Variants in GC observed in about 807,000 individuals in gnomAD.
GC encodes the protein GC vitamin D binding protein.
Under a neutral mutation model 56.7 loss-of-function variants are expected in GC, and 43 were observed. The ratio of observed to expected loss-of-function variants is 0.76; its 90% CI spans 0.59 to 0.98. The LOEUF (loss-of-function observed/expected upper bound fraction) is 0.98. GC is among the 50% of genes least tolerant of loss of function. The pLI, the probability that GC is intolerant of heterozygous loss-of-function variation, is 0.00. For missense variants in GC, 529 were observed against 545.9 expected (o/e 0.97, Z 0.31); for synonymous variants, 216 against 202.7 (o/e 1.07, Z -0.56).
intron 6 of GC, among the ~76,000 whole-genome samples, chr4:71,760,076 T>C (rs1741915459): frequency 1.4e-5 from 2 of 147,924 alleles, no homozygotes; most frequent in African/African-American, 5.0e-5. Flanking sequence ...GGAGTCTCGC[T>C]CTGTCGCCCC....
intron 1 of GC, among the ~76,000 whole-genome samples, chr4:71,771,407 G>A (rs1742337442): frequency 6.6e-6 from 1 of 152,006 alleles, no homozygotes. Flanking sequence ...ATTGCCTGTA[G>A]AGGAAGCAGT....
chr4:71,759,014 G>A (rs1460974199), intron 6 of GC, among the ~76,000 whole-genome samples: 2 of 151,972 alleles, frequency 1.3e-5, no homozygotes, highest in African/African-American at 4.8e-5. Flanking sequence ...TAAATACTTC[G>A]TATGAGTTGG....
intron 12 of GC, among the ~76,000 whole-genome samples, chr4:71,742,976 T>C (rs1741234886): frequency 6.6e-6 from 1 of 151,884 alleles, no homozygotes. Context: ...TCCGTCTTGG[T>C]GTGGGCAGGG....
chr4:71,787,266 A>G (rs372512960), upstream of GC, among the ~76,000 whole-genome samples: 205 of 151,974 alleles, frequency 1.3e-3, 1 homozygote, highest in African/African-American at 4.6e-3. Context: ...AATTAATCCT[A>G]CTTACCTCTA....
At chr4:71,765,296 G>C in intron 4 of GC, 136 bp downstream of exon 4, 1 of 697,606 alleles carries the variant, frequency 1.4e-6, no homozygotes, top group Non-Finnish European at 2.5e-6. Flanking sequence ...AAGATGGGCT[G>C]TCTCAGATGA....
chr4:71,784,063 G>A lies in GC; in HGVS notation c.-45C>T. Reference sequence around the variant, plus strand: ...GCAGCACCTCCTCTCTCCTGTAGGTGACCATGTAAAAGTGGTAGCCAAAAG... The same window carrying A: ...GCAGCACCTCCTCTCTCCTGTAGGTAACCATGTAAAAGTGGTAGCCAAAAG... On this transcript the variant is annotated 5_prime_UTR_variant, in exon 1 of 13. Coordinates refer to ENST00000273951, the MANE Select transcript of GC (RefSeq NM_000583.4). 6.3e-7 allele frequency: 1 copy of A among 1,575,254 alleles called. No homozygotes were observed. Among genetic ancestry groups the A allele is most frequent in the East Asian group, 2.3e-5 (1 of 43,776 alleles).
chr4:71,790,407 G>A (rs537519408), intron 1 of GC, among the ~76,000 whole-genome samples: 1 of 151,902 alleles, frequency 6.6e-6, no homozygotes, highest in African/African-American at 2.4e-5. Context: ...TGAATCTCTT[G>A]AAAAGAACCA....
rs149288074 is a variant in GC, at chr4:71,779,902, C to T, written c.58+4059G>A. Among the ~76,000 whole-genome samples, 6 of 151,852 alleles carry T rather than the reference C, an allele frequency of 4.0e-5. 1 individual carries two copies. The highest frequency in any genetic ancestry group is 1.4e-4 in the African/African-American group (6 of 41,474). On this transcript the variant is annotated intron_variant, in intron 1 of 12. Transcript: ENST00000273951. ...AGGAAAAGTGTAGCTCACCCACCAA[C>T]CCAAAGGGAACTTTCTTCTTGCAGT...
At chr4:71,759,441 C>T (rs1741893590) in intron 6 of GC, 2 of 152,322 alleles carry the variant, frequency 1.3e-5, no homozygotes, top group East Asian at 1.9e-4. Context: ...ACTTTGCTAA[C>T]ATTTGCCAAT....
chr4:71,750,066 A>C (rs1038189791), intron 11 of GC, among the ~76,000 whole-genome samples: 1 of 152,182 alleles, frequency 6.6e-6, no homozygotes, highest in African/African-American at 2.4e-5. Context: ...AAAACAAATA[A>C]AACTTTACTA....
At chr4:71,789,107 A>T (rs1216506763) in intron 1 of GC, among the ~76,000 whole-genome samples, 1 of 151,870 alleles carries the variant, frequency 6.6e-6, no homozygotes, top group Non-Finnish European at 1.5e-5. Flanking sequence ...CATTATGTAT[A>T]GAGAGAAAGA....
intron 5 of GC, 64 bp from the exon 6 acceptor site, chr4:71,763,566 A>G (rs1319133966): frequency 3.2e-6 from 3 of 930,022 alleles, no homozygotes; most frequent in Non-Finnish European, 5.1e-6. Context: ...TATAAATGGC[A>G]AAAATAGGGA....
intron 6 of GC, among the ~76,000 whole-genome samples, chr4:71,761,636 G>A (rs998914700): frequency 3.3e-5 from 5 of 152,130 alleles, no homozygotes; most frequent in African/African-American, 4.8e-5. Flanking sequence ...AGGAAAAAGT[G>A]GTTTCTTGGA....
At chr4:71,746,859 A>T (rs1376439035) in intron 11 of GC, among the ~76,000 whole-genome samples, 1 of 151,698 alleles carries the variant, frequency 6.6e-6, no homozygotes, top group African/African-American at 2.4e-5. Flanking sequence ...TGTGTTTTAA[A>T]AAGGTTGATT....
At chr4:71,771,073 T>A (rs1446120180) in intron 1 of GC, among the ~76,000 whole-genome samples, 1 of 152,116 alleles carries the variant, frequency 6.6e-6, no homozygotes, top group African/African-American at 2.4e-5. Context: ...TGGAAAAAAA[T>A]GTAGGAAGTA....
At chr4:71,786,132 C>T (rs760689030), upstream of GC, 13 of 151,978 alleles carry the variant, frequency 8.6e-5, no homozygotes, top group Non-Finnish European at 1.6e-4. Context: ...ATTGCAACAT[C>T]TCATTTAGAT....
At chr4:71,793,771 A>G (rs984467864) in intron 1 of GC, among the ~76,000 whole-genome samples, 2 of 152,174 alleles carry the variant, frequency 1.3e-5, no homozygotes, top group South Asian at 4.1e-4. Flanking sequence ...TTGCCCATTC[A>G]GTATGATATT....
chr4:71,783,822 G>T, intron 1 of GC, 139 bp downstream of exon 1: 1 of 482,116 alleles, frequency 2.1e-6, no homozygotes. Context: ...TCTGATTAAT[G>T]CCTCTCTGGT....
rs1331339818 is a variant in GC at position 71,752,655 on chromosome 4, A to G, written c.1263-5T>C. Reference sequence around the variant, plus strand: ...GCTTTTAGTCGCTCTGCCAGTCTGAAAAACCATTTAAATGTAAGGTCTTAC... The same window carrying G: ...GCTTTTAGTCGCTCTGCCAGTCTGAGAAACCATTTAAATGTAAGGTCTTAC... On this transcript the variant is annotated splice_region_variant and splice_polypyrimidine_tract_variant and intron_variant, in intron 10 of 12. Transcript: ENST00000273951. 5 of 1,611,550 alleles carry G rather than the reference A, an allele frequency of 3.1e-6. No individual in the cohort carries two copies. Among genetic ancestry groups the G allele is most frequent in the Admixed American group, 3.3e-5 (2 of 59,920 alleles).
Sources: gnomAD v4.1 joint callset for allele counts (sites outside exome capture counted in the v4.1 genomes callset) on GRCh38, gnomAD v4.1.1 for gene constraint, MANE v1.5 for transcripts, NCBI Gene and HGNC (gene_info 2026-07-23, HGNC 2026-07-21) for gene names.